STPG2: variants seen among roughly 807,000 people sequenced by gnomAD.
STPG2 encodes sperm tail PG-rich repeat containing 2.
STPG2 carries 56 observed loss-of-function variants against 54.2 expected under a neutral mutation model. That is an observed-to-expected ratio of 1.03 (90% CI 0.83 to 1.29). The LOEUF (loss-of-function observed/expected upper bound fraction) is 1.29. Among genes scored for constraint, STPG2 ranks in the 50% most tolerant of loss-of-function variants. STPG2 has a pLI of 0.00. For synonymous variants in STPG2, 200 were observed against 181.8 expected (o/e 1.10, Z -0.81); for missense variants, 596 against 544.9 (o/e 1.09, Z -0.93).
intron 9 of STPG2, among the ~76,000 whole-genome samples, chr4:97,735,223 G>C (rs183807191): frequency 2.6e-5 from 4 of 151,570 alleles, no homozygotes; most frequent in Admixed American, 2.6e-4. Context: ...TATATATATA[G>C]ATATATAGAT....
At chr4:97,545,602 G>A (rs1447168643) in intron 4 of STPG2, among the ~76,000 whole-genome samples, 1 of 152,088 alleles carries the variant, frequency 6.6e-6, no homozygotes, top group Admixed American at 6.5e-5. Flanking sequence ...ACCAGGGTTA[G>A]TCTAGGACCC....
intron 1 of STPG2, among the ~76,000 whole-genome samples, chr4:98,136,785 G>C (rs1231078091): frequency 6.6e-6 from 1 of 151,684 alleles, no homozygotes; most frequent in African/African-American, 2.4e-5. Flanking sequence ...AATATTATTT[G>C]AAGGTAGACT....
At chr4:97,827,444 C>T (rs1340853266) in intron 9 of STPG2, among the ~76,000 whole-genome samples, 1 of 151,968 alleles carries the variant, frequency 6.6e-6, no homozygotes, top group Non-Finnish European at 1.5e-5. Flanking sequence ...ACCGTGTTAG[C>T]CAGGATGGTC....
At chr4:98,079,740 A>G (rs1738284067) in intron 5 of STPG2, among the ~76,000 whole-genome samples, 1 of 152,210 alleles carries the variant, frequency 6.6e-6, no homozygotes, top group Non-Finnish European at 1.5e-5. Context: ...CATATGAGAA[A>G]CAAAAAAGGT....
At chr4:97,732,309 T>C (rs560350649) in intron 9 of STPG2, among the ~76,000 whole-genome samples, 1 of 152,324 alleles carries the variant, frequency 6.6e-6, no homozygotes, top group East Asian at 1.9e-4. Context: ...AGAATGCTTA[T>C]AGTTTCAGGT....
intron 7 of STPG2, among the ~76,000 whole-genome samples, chr4:97,953,722 T>A (rs1733559170): frequency 6.6e-6 from 1 of 152,204 alleles, no homozygotes; most frequent in Non-Finnish European, 1.5e-5. Context: ...GGTTCCCCAG[T>A]TGGGGTGTGT....
chr4:97,631,764 G>C (rs1351691825), intron 10 of STPG2, among the ~76,000 whole-genome samples: 2 of 152,080 alleles, frequency 1.3e-5, no homozygotes, highest in African/African-American at 4.8e-5. Flanking sequence ...GTGCTAGGTT[G>C]TTGAGTTGTC....
intron 4 of STPG2, chr4:97,489,904 T>A (rs762738462): frequency 5.3e-5 from 8 of 151,302 alleles, no homozygotes; most frequent in South Asian, 2.1e-4. Flanking sequence ...ATTGCAGATC[T>A]AGTATCCATA....
chr4:97,874,904 C>T (rs775698624), intron 8 of STPG2, among the ~76,000 whole-genome samples: 9 of 151,860 alleles, frequency 5.9e-5, no homozygotes, highest in Non-Finnish European at 1.2e-4. Flanking sequence ...AGCAAGAAAA[C>T]TCCTTGACCT....
In STPG2 at chr4:97,951,355, G is replaced by T. The variant is rs77553118; in HGVS notation, c.934-7348C>A. 4.3e-3 allele frequency among the ~76,000 whole-genome samples: 656 copies of T among 152,278 alleles called. 5 individuals carry two copies. The highest frequency in any genetic ancestry group is 0.015 in the African/African-American group (625 of 41,546). On this transcript the variant is annotated intron_variant, in intron 7 of 10. Transcript: ENST00000295268. ...GCAGGCAAGGAGAACCCATTGGGTG[G>T]TTACACTAGTGTGACCTTTGGGTGT...
chr4:97,826,927 T>G (rs945931300), intron 9 of STPG2, among the ~76,000 whole-genome samples: 5 of 152,212 alleles, frequency 3.3e-5, no homozygotes, highest in African/African-American at 1.2e-4. Context: ...CATTTTGTCA[T>G]TCACAGACAA....
At chr4:97,916,545 G>C (rs1020158735) in intron 8 of STPG2, 24 of 152,568 alleles carry the variant, frequency 1.6e-4, no homozygotes, top group Admixed American at 1.6e-3. Context: ...CATAGTACAG[G>C]CCCATCACAG....
chr4:97,665,319 G>A (rs1034182466), intron 10 of STPG2, among the ~76,000 whole-genome samples: 3 of 152,200 alleles, frequency 2.0e-5, no homozygotes, highest in Non-Finnish European at 4.4e-5. Context: ...GGTACAAGTG[G>A]AGGGTAGGCA....
intron 5 of STPG2, among the ~76,000 whole-genome samples, chr4:98,007,142 T>C (rs991168): frequency 0.39 from 59,972 of 151,950 alleles, 12,070 homozygotes; most frequent in Middle Eastern, 0.46. Context: ...GACACCAGAG[T>C]GCTTTTTCTG....
intron 8 of STPG2, 143 bp from the exon 9 acceptor site, chr4:97,841,075 A>C: frequency 1.2e-6 from 1 of 861,220 alleles, no homozygotes; most frequent in South Asian, 2.3e-5. Flanking sequence ...AGAAACTTAA[A>C]AAGGAATTCT....
chr4:97,622,537 T>A (rs1734038893), intron 10 of STPG2, among the ~76,000 whole-genome samples: 1 of 151,972 alleles, frequency 6.6e-6, no homozygotes, highest in African/African-American at 2.4e-5. Flanking sequence ...AAGAATAAAA[T>A]ATCTAGGAAT....
intron 5 of STPG2, among the ~76,000 whole-genome samples, chr4:98,068,660 T>A (rs184057948): frequency 6.6e-6 from 1 of 151,992 alleles, no homozygotes; most frequent in Admixed American, 6.6e-5. Flanking sequence ...TGTGTAGGAG[T>A]GTAAGTACAA....
chr4:97,602,444 C>T (rs1733488277), intron 10 of STPG2, among the ~76,000 whole-genome samples: 1 of 151,742 alleles, frequency 6.6e-6, no homozygotes, highest in East Asian at 1.9e-4. Flanking sequence ...CAAGATAGTG[C>T]CTCTATTACT....
chr4:97,474,994 T>C (rs1396004423), intron 4 of STPG2, among the ~76,000 whole-genome samples: 1 of 152,138 alleles, frequency 6.6e-6, no homozygotes, highest in South Asian at 2.1e-4. Flanking sequence ...CATTAATTCA[T>C]TTTCTTATTC....
Sources: gnomAD v4.1 joint callset for allele counts (sites outside exome capture counted in the v4.1 genomes callset) on GRCh38, gnomAD v4.1.1 for gene constraint, MANE v1.5 for transcripts, NCBI Gene and HGNC (gene_info 2026-07-23, HGNC 2026-07-21) for gene names.